The following EXOSC5 variants were observed in gnomAD, a reference collection of about 807,000 sequenced individuals.
EXOSC5 encodes the protein exosome complex component RRP46.
EXOSC5 carries 15 observed loss-of-function variants against 23.7 expected under a neutral mutation model. That is an observed-to-expected ratio of 0.63 (90% CI 0.42 to 0.97). The LOEUF (loss-of-function observed/expected upper bound fraction) is 0.97. EXOSC5 is among the 50% of genes least tolerant of loss of function. EXOSC5 has a pLI of 0.00. For synonymous variants in EXOSC5, 143 were observed against 140.9 expected (o/e 1.02, Z -0.11); for missense variants, 305 against 316.3 (o/e 0.96, Z 0.27).
At chr19:41,388,867 A>G (rs1457132162) in intron 4 of EXOSC5, among the ~76,000 whole-genome samples, 1 of 152,138 alleles carries the variant, frequency 6.6e-6, no homozygotes, top group Non-Finnish European at 1.5e-5. Flanking sequence ...GGTGCTGGCC[A>G]GAAAGAATGA....
chr19:41,387,699 C>A (rs1346536251), intron 4 of EXOSC5, 96 bp from the exon 5 acceptor site: 2 of 778,878 alleles, frequency 2.6e-6, no homozygotes, highest in Non-Finnish European at 3.7e-6. Flanking sequence ...GGCTCATGAC[C>A]ATAATCTCAC....
intron 3 of EXOSC5, among the ~76,000 whole-genome samples, chr19:41,390,808 C>T (rs1317768033): frequency 1.3e-5 from 2 of 152,212 alleles, no homozygotes; most frequent in Non-Finnish European, 2.9e-5. Flanking sequence ...GCTGCTGATC[C>T]TCCACGCCTT....
rs748120442 is a variant in EXOSC5, at chr19:41,386,728, G to A, written c.616-3C>T. 6.3e-7 allele frequency: 1 copy of A among 1,582,642 alleles called. No homozygotes were observed. The highest frequency in any genetic ancestry group is 1.1e-5 in the South Asian group (1 of 87,320). On this transcript the variant is annotated splice_region_variant and splice_polypyrimidine_tract_variant and intron_variant, in intron 5 of 5. Coordinates refer to ENST00000221233, the MANE Select transcript of EXOSC5 (RefSeq NM_020158.4). ...GCCGCAGCCAGGCACTGCTGGAGCT[G>A]CGGGGGAGAGACTGGTCGGTGCTGG...
rs370678317 is a variant in EXOSC5 at position 41,387,574 on chromosome 19, C to T, written c.555G>A (p.Leu185=). The part of the protein sequence containing the change: ...KEARAVLTFA[L]DSVERKLLMS... ...TCAGCAGCTTCCGTTCCACGCTGTCCAGGGCAAAGGTCAGGACTGCCCGGG... is the reference window on the plus strand; with the variant it reads ...TCAGCAGCTTCCGTTCCACGCTGTCTAGGGCAAAGGTCAGGACTGCCCGGG... The change falls in exon 5 of 6, where the codon CTG becomes CTA. Residue 185 remains leucine, a synonymous_variant. Coordinates refer to ENST00000221233, the MANE Select transcript of EXOSC5 (RefSeq NM_020158.4). 1 of 1,606,132 alleles carries T rather than the reference C, an allele frequency of 6.2e-7. No homozygotes were observed. The highest frequency in any genetic ancestry group is 2.2e-5 in the East Asian group (1 of 44,670).
At position 41,393,405 on chromosome 19, in the gene EXOSC5, C is replaced by T. The variant is rs535550398; in HGVS notation, c.149-425G>A. Among the ~76,000 whole-genome samples, 7 of 152,220 alleles carry T rather than the reference C, an allele frequency of 4.6e-5. No homozygotes were observed. The South Asian group carries it at 1.5e-3, about 32-fold the overall frequency. On this transcript the variant is annotated intron_variant, in intron 1 of 5. Coordinates refer to ENST00000221233, the MANE Select transcript of EXOSC5 (RefSeq NM_020158.4). Reference sequence around the variant, plus strand: ...TCAGCCTCCCAAGTAGCTGGAACTACAGGCATGTGCCACCATGCCTGACTA... The same window carrying T: ...TCAGCCTCCCAAGTAGCTGGAACTATAGGCATGTGCCACCATGCCTGACTA...
intron 1 of EXOSC5, among the ~76,000 whole-genome samples, chr19:41,394,453 G>C (rs2039046839): frequency 6.6e-6 from 1 of 151,994 alleles, no homozygotes; most frequent in South Asian, 2.1e-4. Context: ...TGGAGGCCCA[G>C]GTGGGAGGAC....
chr19:41,388,625 C>A (rs1376280959), intron 4 of EXOSC5, among the ~76,000 whole-genome samples: 5 of 152,178 alleles, frequency 3.3e-5, no homozygotes, highest in African/African-American at 1.2e-4. Context: ...CCTCTAGTTC[C>A]TCAACACTGT....
At position 41,397,295 on chromosome 19, in the gene EXOSC5, G is replaced by C; in HGVS notation, c.34C>G (p.Arg12Gly). The change falls in exon 1 of 6, where the codon CGT becomes GGT. Residue 12 changes from arginine to glycine, a missense_variant. By Grantham distance (125) the Arg-to-Gly change is moderately radical. Transcript: ENST00000221233. ...EEETHTDAKI[R>G]AENGTGSSPR... is the part of the protein sequence containing the mutation. ...CTGGACCCTGTTCCATTTTCAGCAC[G>C]GATTTTGGCGTCAGTATGCGTCTCC... The C allele has an allele frequency of 6.2e-7, 1 of 1,613,952 alleles. No individual in the cohort carries two copies.
At chr19:41,393,708 C>T (rs145434230) in intron 1 of EXOSC5, among the ~76,000 whole-genome samples, 5,143 of 151,820 alleles carry the variant, frequency 0.034, 271 homozygotes, top group African/African-American at 0.12. Flanking sequence ...TACAGGCGCG[C>T]GCCACCACAC....
chr19:41,387,491 TC>T, intron 5 of EXOSC5, 22 bp downstream of exon 5: 1 of 1,560,568 alleles, frequency 6.4e-7, no homozygotes, highest in Non-Finnish European at 8.7e-7. Context: ...TTCTGGCTTT[TC>T]CCCTCATCCC....
At chr19:41,390,877 C>T (rs1162370472) in intron 3 of EXOSC5, among the ~76,000 whole-genome samples, 2 of 152,182 alleles carry the variant, frequency 1.3e-5, no homozygotes, top group Non-Finnish European at 2.9e-5. Context: ...CTCTCTCTGC[C>T]CATCCATAAA....
intron 1 of EXOSC5, among the ~76,000 whole-genome samples, chr19:41,394,886 T>C (rs2039049831): frequency 1.3e-5 from 2 of 151,838 alleles, no homozygotes; most frequent in Non-Finnish European, 2.9e-5. Context: ...CCACAAAAAT[T>C]AGCCGGGCGC....
intron 1 of EXOSC5, among the ~76,000 whole-genome samples, chr19:41,395,439 C>G (rs1047375148): frequency 1.3e-5 from 2 of 152,318 alleles, no homozygotes; most frequent in Middle Eastern, 3.4e-3. Flanking sequence ...CAACAATCTA[C>G]AACTCCTGCC....
At chr19:41,393,031 C>T (rs1388148351) in intron 1 of EXOSC5, 51 bp from the exon 2 acceptor site, 1 of 1,563,220 alleles carries the variant, frequency 6.4e-7, no homozygotes, top group South Asian at 1.1e-5. Context: ...GCTCCTGGGG[C>T]CCCATTTGTG....
At position 41,397,260 on chromosome 19, in the gene EXOSC5, A is replaced by C; in HGVS notation, c.69T>G (p.Gly23=). 6.2e-7 allele frequency: 1 copy of C among 1,614,112 alleles called. No homozygotes were observed. The highest frequency in any genetic ancestry group is 8.5e-7 in the Non-Finnish European group (1 of 1,179,998). ...AENGTGSSPR[G]PGCSLRHFAC... is the part of the protein sequence containing the mutation. ...CAAAGTGCCGGAGGCTGCAGCCAGG[A>C]CCCCGAGGGCTGGACCCTGTTCCAT... The change falls in exon 1 of 6, where the codon GGT becomes GGG. Residue 23 remains glycine, a synonymous_variant. Transcript: ENST00000221233.
intron 2 of EXOSC5, chr19:41,392,180 G>A (rs1169315390): frequency 1.6e-6 from 1 of 609,056 alleles, no homozygotes. Context: ...AACCATCCAA[G>A]GGAAGAAGAC....
chr19:41,392,457 G>GC (rs538790064), intron 2 of EXOSC5, among the ~76,000 whole-genome samples: 123 of 152,144 alleles, frequency 8.1e-4, no homozygotes, highest in African/African-American at 2.9e-3. Context: ...GGTGGCACGT[G>GC]CCTGTAATCC....
intron 1 of EXOSC5, among the ~76,000 whole-genome samples, chr19:41,393,279 A>T (rs945432381): frequency 6.6e-6 from 1 of 152,194 alleles, no homozygotes; most frequent in African/African-American, 2.4e-5. Flanking sequence ...CCATTCAGGC[A>T]TTCAGGCAGG....
At chr19:41,394,027 G>C (rs1337670027) in intron 1 of EXOSC5, among the ~76,000 whole-genome samples, 2 of 152,156 alleles carry the variant, frequency 1.3e-5, no homozygotes, top group Non-Finnish European at 2.9e-5. Flanking sequence ...TATCTGGAAT[G>C]AATCCTGATT....
Sources: gnomAD v4.1 joint callset for allele counts (sites outside exome capture counted in the v4.1 genomes callset) on GRCh38, gnomAD v4.1.1 for gene constraint, MANE v1.5 for transcripts, NCBI Gene and HGNC (gene_info 2026-07-23, HGNC 2026-07-21) for gene names.